LNX1: variants seen among roughly 807,000 people sequenced by gnomAD.
The protein encoded by LNX1 is ligand of numb-protein X 1, also known as E3 ubiquitin-protein ligase LNX.
In LNX1, 54 loss-of-function variants were observed where a neutral mutation model predicts 68.4. That is an observed-to-expected ratio of 0.79 (90% CI 0.63 to 0.99). LNX1 has a LOEUF of 0.99. Ranked by LOEUF, LNX1 falls within the 50% of genes least tolerant of loss-of-function variation. LNX1 has a pLI of 0.00. For missense variants in LNX1, 906 were observed against 926.4 expected (o/e 0.98, Z 0.29); for synonymous variants, 336 against 350.0 (o/e 0.96, Z 0.45).
intron 6 of LNX1, among the ~76,000 whole-genome samples, chr4:53,486,211 C>T (rs938929455): frequency 6.6e-6 from 1 of 152,152 alleles, no homozygotes; most frequent in Non-Finnish European, 1.5e-5. Context: ...TTCACCCCTC[C>T]TTAGGAAACT....
At chr4:53,529,965 G>A (rs1355650511) in intron 2 of LNX1, among the ~76,000 whole-genome samples, 18 of 152,126 alleles carry the variant, frequency 1.2e-4, no homozygotes, top group African/African-American at 4.3e-4. Context: ...AAAAATGTAG[G>A]CGAATACTTT....
At chr4:53,538,450 AG>A (rs201496774) in intron 2 of LNX1, among the ~76,000 whole-genome samples, 1,676 of 152,264 alleles carry the variant, frequency 0.011, 30 homozygotes, top group African/African-American at 0.037. Flanking sequence ...GGCAGGCATG[AG>A]GGGTGGCATG....
At chr4:53,514,526 A>C (rs1726603158) in intron 2 of LNX1, among the ~76,000 whole-genome samples, 1 of 152,086 alleles carries the variant, frequency 6.6e-6, no homozygotes, top group Non-Finnish European at 1.5e-5. Flanking sequence ...AAACCATCAG[A>C]TCTTGTGAGA....
chr4:53,619,585 T>C (rs73149391), upstream of LNX1, among the ~76,000 whole-genome samples: 6,200 of 152,292 alleles, frequency 0.041, 401 homozygotes, highest in African/African-American at 0.14. Flanking sequence ...TGTAAGGGTA[T>C]ACAGCACATG....
intron 2 of LNX1, among the ~76,000 whole-genome samples, chr4:53,529,834 A>G (rs1378665530): frequency 6.6e-6 from 1 of 152,234 alleles, no homozygotes; most frequent in Admixed American, 6.5e-5. Context: ...TCAGAGCCAC[A>G]GGAAATGAAC....
At chr4:53,594,981 G>A (rs1042452493), upstream of LNX1, among the ~76,000 whole-genome samples, 1 of 152,156 alleles carries the variant, frequency 6.6e-6, no homozygotes, top group African/African-American at 2.4e-5. Flanking sequence ...CAAAGTGCTG[G>A]GATTACAGGT....
chr4:53,554,828 G>A (rs1032734867), intron 2 of LNX1, among the ~76,000 whole-genome samples: 1 of 149,250 alleles, frequency 6.7e-6, no homozygotes, highest in East Asian at 1.9e-4. Context: ...CTCCAGCCTA[G>A]GCAACAGAGC....
At chr4:53,614,593 C>T (rs1733617579) in intron 2 of LNX1, among the ~76,000 whole-genome samples, 1 of 152,114 alleles carries the variant, frequency 6.6e-6, no homozygotes, top group Admixed American at 6.5e-5. Flanking sequence ...GGAAAATGAC[C>T]AATTGCTCTT....
intron 1 of LNX1, among the ~76,000 whole-genome samples, chr4:53,651,062 A>G (rs1560708091): frequency 6.6e-6 from 1 of 152,220 alleles, no homozygotes. Context: ...TAACTGAGGT[A>G]CCCCAAAATG....
chr4:53,480,318 G>A (rs922787043), intron 7 of LNX1, among the ~76,000 whole-genome samples: 2 of 152,152 alleles, frequency 1.3e-5, no homozygotes, highest in African/African-American at 4.8e-5. Context: ...GAGGGTTGCA[G>A]CAGAAATGTG....
chr4:53,547,707 G>C (rs1729205473), intron 2 of LNX1, among the ~76,000 whole-genome samples: 1 of 152,184 alleles, frequency 6.6e-6, no homozygotes, highest in Non-Finnish European at 1.5e-5. Context: ...GGGTATGCAA[G>C]AGTTAAACAT....
At chr4:53,511,742 T>C (rs1460754301) in intron 2 of LNX1, among the ~76,000 whole-genome samples, 1 of 152,194 alleles carries the variant, frequency 6.6e-6, no homozygotes, top group Non-Finnish European at 1.5e-5. Context: ...TCACTGCTAA[T>C]GAGAGTTGGA....
intron 2 of LNX1, among the ~76,000 whole-genome samples, chr4:53,515,330 T>C (rs906951570): frequency 9.2e-5 from 14 of 152,364 alleles, no homozygotes; most frequent in Admixed American, 2.6e-4. Flanking sequence ...TCTGAGCAAC[T>C]GTCACCCTTT....
intron 1 of LNX1, among the ~76,000 whole-genome samples, chr4:53,633,766 G>C (rs1308858914): frequency 1.3e-5 from 2 of 152,184 alleles, no homozygotes; most frequent in African/African-American, 4.8e-5. Flanking sequence ...GCCCAGAAGA[G>C]AGCTGATTGC....
chr4:53,470,784 G>C (rs1289028594), intron 9 of LNX1, among the ~76,000 whole-genome samples: 1 of 151,988 alleles, frequency 6.6e-6, no homozygotes, highest in East Asian at 1.9e-4. Flanking sequence ...ACTTACAAGG[G>C]ACGTGAAGGA....
intron 2 of LNX1, among the ~76,000 whole-genome samples, chr4:53,540,253 T>C (rs1184417215): frequency 6.6e-6 from 1 of 151,822 alleles, no homozygotes; most frequent in Non-Finnish European, 1.5e-5. Flanking sequence ...CATGGGGGCG[T>C]GCACCTGTAG....
chr4:53,608,341 C>A (rs1281182830), intron 2 of LNX1, among the ~76,000 whole-genome samples: 1 of 152,122 alleles, frequency 6.6e-6, no homozygotes, highest in Non-Finnish European at 1.5e-5. Flanking sequence ...GACATACAAG[C>A]AGTCAACAAT....
At chr4:53,569,678 T>A (rs1416683097) in intron 2 of LNX1, among the ~76,000 whole-genome samples, 8 of 151,144 alleles carry the variant, frequency 5.3e-5, no homozygotes, top group Admixed American at 2.6e-4. Context: ...CTAATTAAAC[T>A]AAAGAGCTTC....
At chr4:53,498,610 C>T in intron 5 of LNX1, 31 bp downstream of exon 5, 1 of 1,569,898 alleles carries the variant, frequency 6.4e-7, no homozygotes, top group Non-Finnish European at 8.8e-7. Flanking sequence ...TATCAAGCCC[C>T]TTGCTGCAGC....
Sources: gnomAD v4.1 joint callset for allele counts (sites outside exome capture counted in the v4.1 genomes callset) on GRCh38, gnomAD v4.1.1 for gene constraint, MANE v1.5 for transcripts, NCBI Gene and HGNC (gene_info 2026-07-23, HGNC 2026-07-21) for gene names.